The following SUSD4 variants were observed in gnomAD, a reference collection of about 807,000 sequenced individuals.
The protein encoded by SUSD4 is sushi domain-containing protein 4.
SUSD4 carries 41 observed loss-of-function variants against 50.5 expected under a neutral mutation model. That is an observed-to-expected ratio of 0.81 (90% CI 0.63 to 1.05). The LOEUF (loss-of-function observed/expected upper bound fraction) is 1.05. Ranked by LOEUF, SUSD4 falls within the 50% of genes least tolerant of loss-of-function variation. The pLI is 0.00. For missense variants in SUSD4, 580 were observed against 634.7 expected (o/e 0.91, Z 0.93); for synonymous variants, 257 against 257.3 (o/e 1.00, Z 0.01).
At chr1:223,284,691 A>G (rs1664015392) in intron 3 of SUSD4, among the ~76,000 whole-genome samples, 1 of 152,138 alleles carries the variant, frequency 6.6e-6, no homozygotes. Flanking sequence ...AAAGGATAAA[A>G]TTTTGTCATT....
chr1:223,257,335 C>A (rs1277816145), intron 5 of SUSD4, among the ~76,000 whole-genome samples: 1 of 151,986 alleles, frequency 6.6e-6, no homozygotes, highest in Non-Finnish European at 1.5e-5. Context: ...GAGACCAAGT[C>A]TCTACAAAAA....
chr1:223,364,960 A>G (rs1669236026), upstream of SUSD4, among the ~76,000 whole-genome samples: 1 of 152,120 alleles, frequency 6.6e-6, no homozygotes, highest in Non-Finnish European at 1.5e-5. This position sits in a 1 kb window ranked among gnomAD's most constrained non-coding sequence, Gnocchi z 4.5. Flanking sequence ...TCCCTCTGCC[A>G]GCCGCAGGTG....
chr1:223,225,599 A>G (rs1192283032), intron 7 of SUSD4, among the ~76,000 whole-genome samples: 4 of 152,108 alleles, frequency 2.6e-5, no homozygotes, highest in African/African-American at 9.7e-5. Flanking sequence ...TGCTTCCTTG[A>G]CAATGATGCT....
chr1:223,344,845 G>A (rs995003529), intron 2 of SUSD4, among the ~76,000 whole-genome samples: 1 of 152,174 alleles, frequency 6.6e-6, no homozygotes, highest in African/African-American at 2.4e-5. Context: ...CAGTTTTCCT[G>A]AGTTCAGAAC....
chr1:223,296,412 T>C (rs970342002), intron 2 of SUSD4, among the ~76,000 whole-genome samples: 2 of 152,026 alleles, frequency 1.3e-5, no homozygotes, highest in African/African-American at 4.8e-5. Flanking sequence ...GTGTGGAGTG[T>C]GGTGAATCTG....
intron 5 of SUSD4, among the ~76,000 whole-genome samples, chr1:223,258,698 A>G (rs1422359937): frequency 6.6e-6 from 1 of 152,238 alleles, no homozygotes; most frequent in Non-Finnish European, 1.5e-5. Context: ...TGCCCAAGTC[A>G]TTACAAATGA....
Position 223,264,640 on chromosome 1 carries a change from A to G in SUSD4, c.714T>C (p.Leu238=). ...AATGAGATGTGTTACCTTCCAGAGC[A>G]AGGCACCGGGGTGGGCTGGACGACC... is the stretch of plus-strand genomic sequence containing the variant. ...LIWSSSPPRC[L]ALEVCPLPPM... The change falls in exon 5 of 9, where the codon CTT becomes CTC. Residue 238 remains leucine, a synonymous_variant. Coordinates refer to ENST00000366878, the MANE Select transcript of SUSD4 (RefSeq NM_017982.4). 6.2e-7 allele frequency: 1 copy of G among 1,614,154 alleles called. No homozygotes were observed. Among genetic ancestry groups the G allele is most frequent in the Non-Finnish European group, 8.5e-7 (1 of 1,180,000 alleles).
chr1:223,276,800 G>T lies in SUSD4; in HGVS notation c.362-8125C>A, dbSNP rs1663304795. ...TGGAAAATGAGGACAGAATATCTTG[G>T]GGGAAGACATGCAAATACTTGCCCT... On this transcript the variant is annotated intron_variant, in intron 3 of 8. Transcript: ENST00000366878. 2.6e-5 allele frequency among the ~76,000 whole-genome samples: 4 copies of T among 152,114 alleles called. No individual in the cohort carries two copies. In the South Asian group the frequency reaches 8.3e-4, roughly 32 times the overall value.
At chr1:223,362,584 G>A (rs1211106742) in intron 2 of SUSD4, among the ~76,000 whole-genome samples, 1 of 152,106 alleles carries the variant, frequency 6.6e-6, no homozygotes, top group Non-Finnish European at 1.5e-5. Flanking sequence ...GGAGGCTGAG[G>A]CTATCAATTT....
chr1:223,326,177 A>G (rs1258384902), intron 2 of SUSD4, among the ~76,000 whole-genome samples: 1 of 152,222 alleles, frequency 6.6e-6, no homozygotes, highest in Non-Finnish European at 1.5e-5. Context: ...AACAGAATAG[A>G]GAAACCAGAA....
At chr1:223,223,791 C>G (rs1226179043) in intron 7 of SUSD4, among the ~76,000 whole-genome samples, 160 bp from the exon 8 acceptor site, 2 of 152,222 alleles carry the variant, frequency 1.3e-5, no homozygotes, top group Non-Finnish European at 2.9e-5. Flanking sequence ...TTCAGGGACT[C>G]CTCTGGAAGA....
intron 2 of SUSD4, among the ~76,000 whole-genome samples, chr1:223,341,082 C>T (rs547486719): frequency 2.0e-5 from 3 of 152,288 alleles, no homozygotes; most frequent in Non-Finnish European, 4.4e-5. Context: ...ATCTGGTGTT[C>T]TTTGGGGAGG....
At chr1:223,295,179 G>A (rs1386604515) in intron 2 of SUSD4, among the ~76,000 whole-genome samples, 3 of 152,266 alleles carry the variant, frequency 2.0e-5, no homozygotes, top group African/African-American at 7.2e-5. Flanking sequence ...CAAACATAGT[G>A]TCATGAGCCA....
intron 2 of SUSD4, among the ~76,000 whole-genome samples, chr1:223,336,067 T>C (rs941197234): frequency 6.6e-6 from 1 of 151,854 alleles, no homozygotes; most frequent in Non-Finnish European, 1.5e-5. Flanking sequence ...GTAATAAGTA[T>C]GTACAAAGCC....
intron 2 of SUSD4, among the ~76,000 whole-genome samples, chr1:223,317,834 C>CT (rs1235672082): frequency 1.6e-3 from 128 of 80,154 alleles, no homozygotes; most frequent in Middle Eastern, 7.8e-3. Context: ...GCTTGCCCTT[C>CT]TTTTTTTTTT....
At chr1:223,225,010 C>G (rs1404545342) in intron 7 of SUSD4, among the ~76,000 whole-genome samples, 1 of 151,778 alleles carries the variant, frequency 6.6e-6, no homozygotes, top group Admixed American at 6.6e-5. Context: ...GCTGGGATTA[C>G]AGGCATGCAC....
At chr1:223,324,213 G>A (rs1368012952) in intron 2 of SUSD4, among the ~76,000 whole-genome samples, 1 of 149,454 alleles carries the variant, frequency 6.7e-6, no homozygotes, top group Admixed American at 6.7e-5. Context: ...CTCAGCCTAG[G>A]TACACAGGAA....
chr1:223,303,394 G>C (rs551251501), intron 2 of SUSD4, among the ~76,000 whole-genome samples: 2 of 152,090 alleles, frequency 1.3e-5, no homozygotes, highest in Non-Finnish European at 2.9e-5. Context: ...GGGAAGGAGC[G>C]GACAGGCATT....
intron 5 of SUSD4, among the ~76,000 whole-genome samples, chr1:223,241,057 T>C (rs1410775231): frequency 6.6e-6 from 1 of 152,108 alleles, no homozygotes; most frequent in Non-Finnish European, 1.5e-5. Flanking sequence ...CTCTCTTAGG[T>C]GGTACAGGAT....
Sources: gnomAD v4.1 joint callset for allele counts (sites outside exome capture counted in the v4.1 genomes callset) on GRCh38, gnomAD v4.1.1 for gene constraint, Gnocchi (gnomAD v3.1) non-coding constraint, MANE v1.5 for transcripts, NCBI Gene and HGNC (gene_info 2026-07-23, HGNC 2026-07-21) for gene names.